EXD3: variants seen among roughly 807,000 people sequenced by gnomAD.
The protein encoded by EXD3 is exonuclease mut-7 homolog.
Under a neutral mutation model 98.0 loss-of-function variants are expected in EXD3, and 92 were observed. The observed-to-expected ratio is 0.94, with a 90% CI of 0.79 to 1.12. The LOEUF is 1.12. EXD3 is among the 50% of genes most tolerant of loss of function. The pLI is 0.00. For synonymous variants in EXD3, 569 were observed against 526.0 expected (o/e 1.08, Z -1.12); for missense variants, 1,222 against 1,191.6 (o/e 1.03, Z -0.38).
intron 7 of EXD3, among the ~76,000 whole-genome samples, chr9:137,361,755 A>G: frequency 6.6e-6 from 1 of 151,394 alleles, no homozygotes; most frequent in African/African-American, 2.4e-5. Context: ...TAAAAAAAAA[A>G]AAAAAAAAAT....
intron 3 of EXD3, among the ~76,000 whole-genome samples, chr9:137,381,798 G>C (rs1226737527): frequency 3.3e-5 from 5 of 152,202 alleles, no homozygotes. Flanking sequence ...CCGGCTCTAG[G>C]GTTGGGCTTC....
chr9:137,349,136 C>G lies in EXD3; in HGVS notation c.1804G>C (p.Ala602Pro). 1 of 1,599,486 alleles carries G rather than the reference C, an allele frequency of 6.3e-7. No individual in the cohort carries two copies. The highest frequency in any genetic ancestry group is 8.5e-7 in the Non-Finnish European group (1 of 1,178,698). ...GARKPPGLQK[A>P]SAPAAPRQVP... is the part of the protein sequence containing the mutation. ...TGCCTGGGTGCGGCCGGTGCTGACG[C>G]TTTCTGCAGGCCGGGTGGCTTCCGT... is the stretch of plus-strand genomic sequence containing the variant. The change falls in exon 16 of 22, where the codon GCG becomes CCG. Residue 602 changes from alanine to proline, a missense_variant. Transcript: ENST00000340951. The surrounding 1 kb of genome is among the most constrained non-coding windows in gnomAD (Gnocchi z 7.4).
rs1049970024 is a variant in EXD3, at chr9:137,395,812, G to A, written c.-47-408C>T. On this transcript the variant is annotated intron_variant, in intron 1 of 21. Transcript: ENST00000340951. The surrounding 1 kb of genome is among the most constrained non-coding windows in gnomAD (Gnocchi z 6.5). ...TGGGAGAGAGGTGCTCTCCTCCAGAGGGCAAGGGCGCCTGCAGGACCAGGG... is the reference window on the plus strand; with the variant it reads ...TGGGAGAGAGGTGCTCTCCTCCAGAAGGCAAGGGCGCCTGCAGGACCAGGG... 2.0e-5 allele frequency among the ~76,000 whole-genome samples: 3 copies of A among 152,144 alleles called. 1 individual carries two copies. Among genetic ancestry groups the A allele is most frequent in the Non-Finnish European group, 4.4e-5 (3 of 68,010 alleles).
chr9:137,316,275 C>A (rs1024871801), intron 19 of EXD3, among the ~76,000 whole-genome samples: 3 of 151,872 alleles, frequency 2.0e-5, no homozygotes, highest in South Asian at 2.1e-4. Context: ...GGGCGCCCGG[C>A]GGAGATTCAA....
In EXD3 at chr9:137,349,274, C is replaced by T. The variant is rs180673666; in HGVS notation, c.1666G>A (p.Ala556Thr). 324 of 1,565,396 alleles carry T rather than the reference C, an allele frequency of 2.1e-4. No individual in the cohort carries two copies. The highest frequency in any genetic ancestry group is 2.6e-4 in the Non-Finnish European group (306 of 1,161,838). Reference sequence around the variant, plus strand: ...TGGTGCACCTCCAGCAGGCAGTAGGCGTCGGCAGCTGTGTGGGGAGTCGGC... The same window carrying T: ...TGGTGCACCTCCAGCAGGCAGTAGGTGTCGGCAGCTGTGTGGGGAGTCGGC... ...EEQVIYAAAD[A>T]YCLLEVHQAL... is the part of the protein sequence containing the mutation. Residue 556 changes from alanine (A) to threonine (T), a missense_variant, in exon 16 of 22, where the codon GCC (alanine) becomes ACC (threonine). Ala to Thr is a moderately conservative substitution (Grantham distance 58). Coordinates refer to ENST00000340951, the MANE Select transcript of EXD3 (RefSeq NM_017820.5). This position sits in a 1 kb window ranked among gnomAD's most constrained non-coding sequence, Gnocchi z 7.4.
chr9:137,398,725 A>AAGACACACAGGCACCCGCGTCCCCG lies in EXD3; in HGVS notation c.-47-3346_-47-3322dup, dbSNP rs1564208676. On this transcript the variant is annotated intron_variant, in intron 1 of 21. Transcript: ENST00000340951. ...GTGACACACGTGCACCCGCATCCCC[A>AAGACACACAGGCACCCGCGTCCCCG]AGACACACAGGCACCCGCGTCCCCG... 1.6e-3 allele frequency among the ~76,000 whole-genome samples: 141 copies of AAGACACACAGGCACCCGCGTCCCCG among 87,920 alleles called. 19 individuals are homozygous for AAGACACACAGGCACCCGCGTCCCCG. The highest frequency in any genetic ancestry group is 5.4e-3 in the African/African-American group (130 of 24,154). The allele number at this position is 87,920 out of a possible 152,430, so 57.7% of individuals were successfully genotyped here. A position where few individuals can be genotyped will look rare whatever the true frequency, so the allele number is the denominator to read the frequency against.
rs1017447270 is a variant in EXD3 at position 137,395,261 on chromosome 9, C to A, written c.55+42G>T. 1.9e-6 allele frequency: 3 copies of A among 1,589,478 alleles called. No individual in the cohort carries two copies. The highest frequency in any genetic ancestry group is 2.6e-6 in the Non-Finnish European group (3 of 1,158,302). On this transcript the variant is annotated intron_variant, in intron 2 of 21. Coordinates refer to ENST00000340951, the MANE Select transcript of EXD3 (RefSeq NM_017820.5). This position sits in a 1 kb window ranked among gnomAD's most constrained non-coding sequence, Gnocchi z 6.5. Reference sequence around the variant, plus strand: ...CCATGCACACCCACGCACCTCCCCCCACAGCCCCAGGGAGACTCGGCACCA... The same window carrying A: ...CCATGCACACCCACGCACCTCCCCCAACAGCCCCAGGGAGACTCGGCACCA...
chr9:137,345,671 A>AAAAAAAAAAAG (rs1554807528), intron 17 of EXD3: 2 of 151,040 alleles, frequency 1.3e-5, no homozygotes, highest in African/African-American at 4.9e-5. Flanking sequence ...CAAAAAAAAA[A>AAAAAAAAAAAG]AAAAGGAAAG....
At chr9:137,312,085 T>C (rs543822732) in intron 19 of EXD3, among the ~76,000 whole-genome samples, 4 of 152,228 alleles carry the variant, frequency 2.6e-5, no homozygotes, top group Non-Finnish European at 5.9e-5. Context: ...GCCGCCTCCT[T>C]CCATCAGTGT....
chr9:137,367,825 T>C, intron 6 of EXD3, 111 bp downstream of exon 6: 1 of 1,057,760 alleles, frequency 9.5e-7, no homozygotes, highest in Non-Finnish European at 1.4e-6. Context: ...ATGGCCCTGC[T>C]GTCCCCCACT....
At chr9:137,356,456 A>G (rs1834796471) in intron 7 of EXD3, 88 bp from the exon 8 acceptor site, 3 of 899,774 alleles carry the variant, frequency 3.3e-6, no homozygotes, top group South Asian at 1.5e-5. Context: ...ATATGCATGC[A>G]TAGTTTAAAC....
intron 1 of EXD3, among the ~76,000 whole-genome samples, chr9:137,401,073 G>A (rs1055001061): frequency 5.3e-5 from 8 of 151,998 alleles, no homozygotes; most frequent in Non-Finnish European, 1.2e-4. Context: ...CTGGCATCTG[G>A]ATGACAGTGG....
intron 8 of EXD3, among the ~76,000 whole-genome samples, chr9:137,355,956 A>G (rs1056159228): frequency 1.3e-5 from 2 of 151,852 alleles, no homozygotes; most frequent in Middle Eastern, 3.4e-3. Context: ...GAGTGGCTGG[A>G]GTCCTGCGGA....
At position 137,407,606 on chromosome 9, in the gene EXD3, G is replaced by A. The variant is rs1837790984; in HGVS notation, c.-47-12202C>T. Among the ~76,000 whole-genome samples, 3 of 152,218 alleles carry A rather than the reference G, an allele frequency of 2.0e-5. No individual in the cohort carries two copies. In the South Asian group the frequency reaches 6.2e-4, roughly 31 times the overall value. ...AGGCCCTTCAGAGGGTCCCTGACAG[G>A]GAAGGATGGAGACGCAGCTCCAGAC... On this transcript the variant is annotated intron_variant, in intron 1 of 21. Transcript: ENST00000340951. The surrounding 1 kb of genome is among the most constrained non-coding windows in gnomAD (Gnocchi z 4.4).
intron 1 of EXD3, among the ~76,000 whole-genome samples, chr9:137,413,223 C>T (rs370786964): frequency 1.4e-4 from 21 of 151,920 alleles, no homozygotes; most frequent in African/African-American, 3.9e-4. Flanking sequence ...TTTTTTGAGA[C>T]GGAGTCTCAC....
At chr9:137,339,419 T>C (rs1437429432) in intron 17 of EXD3, among the ~76,000 whole-genome samples, 1 of 146,608 alleles carries the variant, frequency 6.8e-6, no homozygotes, top group East Asian at 2.0e-4. Flanking sequence ...GTCCCAGCCA[T>C]AGTCTCACTG....
At chr9:137,341,096 G>T (rs371943707) in intron 17 of EXD3, among the ~76,000 whole-genome samples, 2 of 152,142 alleles carry the variant, frequency 1.3e-5, no homozygotes, top group Non-Finnish European at 2.9e-5. Context: ...CAGGAGGGTC[G>T]CTCGAGGCCA....
chr9:137,422,893 G>A (rs1207568875), intron 1 of EXD3, among the ~76,000 whole-genome samples: 2 of 152,084 alleles, frequency 1.3e-5, no homozygotes, highest in Admixed American at 6.5e-5. Context: ...GCTCCCCGCG[G>A]CGTCCGGCTG....
rs1835612213 is a variant in EXD3, at chr9:137,371,652, C to T, written c.462+1253G>A. Among the ~76,000 whole-genome samples the T allele has an allele frequency of 6.6e-6, 1 of 151,810 alleles. No individual in the cohort carries two copies. The highest frequency in any genetic ancestry group is 2.4e-5 in the African/African-American group (1 of 41,316). On this transcript the variant is annotated intron_variant, in intron 5 of 21. Coordinates refer to ENST00000340951, the MANE Select transcript of EXD3 (RefSeq NM_017820.5). The surrounding 1 kb of genome is among the most constrained non-coding windows in gnomAD (Gnocchi z 8.0). ...GAGTGCCGGCCTCCTCATACATGAT[C>T]AGTGCACCCTGAGCTGAGCACCCCC...
Sources: gnomAD v4.1 joint callset for allele counts (sites outside exome capture counted in the v4.1 genomes callset) on GRCh38, gnomAD v4.1.1 for gene constraint, Gnocchi (gnomAD v3.1) non-coding constraint, MANE v1.5 for transcripts, NCBI Gene and HGNC (gene_info 2026-07-23, HGNC 2026-07-21) for gene names.